AMPH: variants seen among roughly 807,000 people sequenced by gnomAD.
The protein encoded by AMPH is amphiphysin (Stiff-Mann syndrome with breast cancer 128kD autoantigen).
A neutral mutation model predicts 99.1 loss-of-function variants in AMPH; 49 were observed. That is an observed-to-expected ratio of 0.49 (90% CI 0.39 to 0.63). The LOEUF (loss-of-function observed/expected upper bound fraction) is 0.63. AMPH is among the 20% of genes least tolerant of loss of function. The pLI is 0.00. For synonymous variants in AMPH, 314 were observed against 317.3 expected (o/e 0.99, Z 0.11); for missense variants, 759 against 863.4 (o/e 0.88, Z 1.52).
At chr7:38,471,202 C>T (rs987147977) in intron 7 of AMPH, among the ~76,000 whole-genome samples, 2 of 152,184 alleles carry the variant, frequency 1.3e-5, no homozygotes, top group African/African-American at 4.8e-5. Flanking sequence ...TTACATTAGA[C>T]TAAAGTTCCA....
chr7:38,540,221 A>G lies in AMPH; in HGVS notation c.70-5210T>C, dbSNP rs566868652. 3.9e-4 allele frequency among the ~76,000 whole-genome samples: 60 copies of G among 152,348 alleles called. 1 individual carries two copies. The highest frequency in any genetic ancestry group is 1.4e-3 in the African/African-American group (58 of 41,576). The stretch of plus-strand genomic sequence containing the variant: ...AATCTTTTTCTTCAAAGACAATTTC[A>G]TCTACATTGACACGTTAGTATTTTG... On this transcript the variant is annotated intron_variant, in intron 1 of 20. Transcript: ENST00000356264.
chr7:38,420,323 G>A (rs1021243399), intron 16 of AMPH, among the ~76,000 whole-genome samples: 4 of 152,188 alleles, frequency 2.6e-5, no homozygotes, highest in Admixed American at 6.5e-5. Context: ...GTGAGCAACC[G>A]CTTGTGGAGA....
At chr7:38,626,030 T>C (rs1794229078) in intron 1 of AMPH, among the ~76,000 whole-genome samples, 1 of 152,238 alleles carries the variant, frequency 6.6e-6, no homozygotes, top group Admixed American at 6.5e-5. Flanking sequence ...ATCTTCACCA[T>C]ACATTAAAAG....
chr7:38,427,443 C>A (rs1029536644), intron 14 of AMPH, among the ~76,000 whole-genome samples: 3 of 152,142 alleles, frequency 2.0e-5, no homozygotes, highest in Non-Finnish European at 4.4e-5. Context: ...TGGAGTGGAA[C>A]CACTTCAGGA....
chr7:38,562,593 C>G (rs1030543706), intron 1 of AMPH, among the ~76,000 whole-genome samples: 3 of 151,650 alleles, frequency 2.0e-5, no homozygotes, highest in Non-Finnish European at 4.4e-5. Context: ...ACAGTCTCAG[C>G]CTCTGAGGCA....
intron 1 of AMPH, among the ~76,000 whole-genome samples, chr7:38,571,278 T>TA (rs1562835213): frequency 1.0e-4 from 4 of 39,430 alleles, no homozygotes; most frequent in Admixed American, 8.5e-4. Flanking sequence ...TATATATATA[T>TA]TTTTATATAT....
chr7:38,532,285 T>C (rs1195895882), intron 2 of AMPH, among the ~76,000 whole-genome samples: 2 of 152,126 alleles, frequency 1.3e-5, no homozygotes, highest in African/African-American at 4.8e-5. Flanking sequence ...CTTTTTCTAA[T>C]TAAAAAAGAT....
intron 2 of AMPH, among the ~76,000 whole-genome samples, chr7:38,522,844 T>C (rs536002756): frequency 4.6e-5 from 7 of 152,258 alleles, no homozygotes; most frequent in African/African-American, 1.7e-4. Context: ...GCGTGGTGGC[T>C]CACGCCTGTA....
intron 2 of AMPH, among the ~76,000 whole-genome samples, chr7:38,509,617 C>T (rs1279459987): frequency 6.6e-6 from 1 of 152,176 alleles, no homozygotes; most frequent in Non-Finnish European, 1.5e-5. Flanking sequence ...GCTTTATTGC[C>T]TTGAATTTGT....
intron 2 of AMPH, among the ~76,000 whole-genome samples, chr7:38,518,042 T>C (rs1789819120): frequency 6.6e-6 from 1 of 152,006 alleles, no homozygotes; most frequent in Admixed American, 6.6e-5. Flanking sequence ...GGGACTCTGC[T>C]CCCCACTTCT....
intron 1 of AMPH, among the ~76,000 whole-genome samples, chr7:38,616,930 T>C (rs1793892676): frequency 6.6e-6 from 1 of 152,100 alleles, no homozygotes; most frequent in African/African-American, 2.4e-5. Flanking sequence ...TGAGTAGCAG[T>C]AACACAGGAT....
intron 1 of AMPH, among the ~76,000 whole-genome samples, chr7:38,568,141 G>A (rs1791812055): frequency 6.6e-6 from 1 of 152,002 alleles, no homozygotes; most frequent in Admixed American, 6.6e-5. Flanking sequence ...TTACTGTTGG[G>A]GTATTACGTG....
At chr7:38,540,720 A>AAAAAT (rs1790777640) in intron 1 of AMPH, among the ~76,000 whole-genome samples, 1 of 146,400 alleles carries the variant, frequency 6.8e-6, no homozygotes. Context: ...AAAAAAAAAA[A>AAAAAT]GCTAGTCCTA....
intron 11 of AMPH, among the ~76,000 whole-genome samples, chr7:38,445,958 C>A (rs1028073093): frequency 6.6e-6 from 1 of 152,086 alleles, no homozygotes; most frequent in Non-Finnish European, 1.5e-5. Flanking sequence ...TCTCTTCCTC[C>A]TGCTCCTGCC....
At chr7:38,583,560 C>A (rs1323957039) in intron 1 of AMPH, among the ~76,000 whole-genome samples, 1 of 152,180 alleles carries the variant, frequency 6.6e-6, no homozygotes, top group African/African-American at 2.4e-5. Flanking sequence ...CTTCTGCATT[C>A]ATTTTGAGGA....
rs34264805 is a variant in AMPH at position 38,543,095 on chromosome 7, CA to C, written c.70-8085del. On this transcript the variant is annotated intron_variant, in intron 1 of 20. Coordinates refer to ENST00000356264, the MANE Select transcript of AMPH (RefSeq NM_001635.4). The stretch of plus-strand genomic sequence containing the variant: ...GGTGACAGAGCAAGACCCTGTCCCA[CA>C]AAAAAAAAAAAATAGCCAGGCATGG... Among the ~76,000 whole-genome samples, 157 of 139,392 alleles carry C rather than the reference CA, an allele frequency of 1.1e-3. 2 individuals are homozygous for C. The Middle Eastern group carries it at 0.029, about 26-fold the overall frequency. The allele number at this position is 139,392 out of a possible 152,430, so 91.4% of individuals were successfully genotyped here.
chr7:38,438,379 G>A (rs542123218), intron 11 of AMPH, among the ~76,000 whole-genome samples: 1 of 152,270 alleles, frequency 6.6e-6, no homozygotes, highest in African/African-American at 2.4e-5. Flanking sequence ...GTGATCTATT[G>A]TCATGGCCCC....
chr7:38,418,744 T>G (rs570463156), intron 16 of AMPH, among the ~76,000 whole-genome samples: 1 of 152,308 alleles, frequency 6.6e-6, no homozygotes, highest in African/African-American at 2.4e-5. Flanking sequence ...TCTCCATGGT[T>G]TCAATTATAC....
chr7:38,421,222 C>T (rs546934850), intron 16 of AMPH, among the ~76,000 whole-genome samples: 60 of 152,322 alleles, frequency 3.9e-4, no homozygotes, highest in Middle Eastern at 3.4e-3. Flanking sequence ...AATTCTAGAC[C>T]TGAATCTTTT....
Sources: allele counts gnomAD v4.1 joint callset (sites outside exome capture counted in the v4.1 genomes callset), GRCh38; gene constraint gnomAD v4.1.1; transcripts MANE v1.5; gene names NCBI Gene and HGNC (gene_info 2026-07-23, HGNC 2026-07-21).